Variants in KNDC1 observed in about 807,000 individuals in gnomAD.
KNDC1 encodes the protein kinase non-catalytic C-lobe domain-containing protein 1.
A neutral mutation model predicts 172.8 loss-of-function variants in KNDC1; 106 were observed. The observed-to-expected ratio is 0.61, with a 90% CI of 0.52 to 0.72. The LOEUF is 0.72. KNDC1 is among the 30% of genes least tolerant of loss of function. The probability of loss-of-function intolerance (pLI) is 0.00; values close to 1 mark genes in which losing one functional copy is unlikely to be tolerated. For synonymous variants in KNDC1, 1,083 were observed against 1,062.2 expected, an observed-to-expected ratio of 1.02 and a Z score of -0.38; for missense variants, 2,325 against 2,394.5, an observed-to-expected ratio of 0.97 and a Z score of 0.61.
In KNDC1 at chr10:133,180,955, C is replaced by T. The variant is rs1330676647; in HGVS notation, c.361-2389C>T. Among the ~76,000 whole-genome samples, 4 of 152,324 alleles carry T rather than the reference C, an allele frequency of 2.6e-5. No individual in the cohort carries two copies. The East Asian group carries it at 7.7e-4, about 29-fold the overall frequency. On this transcript the variant is annotated intron_variant, in intron 3 of 29. Coordinates refer to ENST00000304613, the MANE Select transcript of KNDC1 (RefSeq NM_152643.8). ...GGCTGCGGCTGGTGAGTAAACCGGACGGTCATTTATCAGGAGGGTTTGTCG... is the reference window on the plus strand; with the variant it reads ...GGCTGCGGCTGGTGAGTAAACCGGATGGTCATTTATCAGGAGGGTTTGTCG...
At position 133,207,147 on chromosome 10, in the gene KNDC1, C is replaced by T. The variant is rs545314975; in HGVS notation, c.3590C>T (p.Ala1197Val). 5.4e-5 allele frequency: 86 copies of T among 1,591,024 alleles called. No individual in the cohort carries two copies. In the East Asian group the frequency reaches 1.6e-3, roughly 30 times the overall value. The change falls in exon 20 of 30, where the codon GCG (alanine) becomes GTG (valine). Residue 1197 changes from alanine (A) to valine (V), a missense_variant. Transcript: ENST00000304613. Reference protein sequence around the residue: ...LVKKYLQVMYAERWGLEPCTL... With the variant: ...LVKKYLQVMYVERWGLEPCTL... ...GTCCCGCTCCGGCAGGTCATGTACG[C>T]GGAACGCTGGGGCCTGGAGCCCTGC...
At chr10:133,161,226 G>C (rs1591209512) in intron 1 of KNDC1, among the ~76,000 whole-genome samples, 1 of 152,164 alleles carries the variant, frequency 6.6e-6, no homozygotes, top group South Asian at 2.1e-4. Flanking sequence ...GGATGGAGTG[G>C]ACAAGCCAGG....
Position 133,222,144 on chromosome 10 carries a change from G to A in KNDC1, c.5018+2032G>A, listed in dbSNP as rs1423903901. Among the ~76,000 whole-genome samples the A allele has an allele frequency of 6.0e-5, 9 of 150,420 alleles. 1 individual carries two copies. The highest frequency in any genetic ancestry group is 2.0e-4 in the East Asian group (1 of 5,068). Reference sequence around the variant, plus strand: ...TAAAAATACAAAAAATTAGCCGGGCGCGGTGGCGGGCGCCTGTAGTCCCAG... The same window carrying A: ...TAAAAATACAAAAAATTAGCCGGGCACGGTGGCGGGCGCCTGTAGTCCCAG... On this transcript the variant is annotated intron_variant, in intron 29 of 29. Coordinates refer to ENST00000304613, the MANE Select transcript of KNDC1 (RefSeq NM_152643.8).
chr10:133,181,144 A>T (rs1853705516), intron 3 of KNDC1, among the ~76,000 whole-genome samples: 1 of 151,732 alleles, frequency 6.6e-6, no homozygotes, highest in South Asian at 2.1e-4. Context: ...CTGACGCCAC[A>T]TGGGGCACCC....
At chr10:133,170,928 CA>C (rs145389746) in intron 3 of KNDC1, among the ~76,000 whole-genome samples, 3,756 of 152,276 alleles carry the variant, frequency 0.025, 52 homozygotes, top group Middle Eastern at 0.034. Context: ...GTCTCGGCAT[CA>C]TTACAGGAAG....
chr10:133,162,349 TG>T (rs1853004997), intron 1 of KNDC1, among the ~76,000 whole-genome samples: 1 of 152,028 alleles, frequency 6.6e-6, no homozygotes, highest in South Asian at 2.1e-4. Flanking sequence ...GAGGGCACGG[TG>T]AGGTTGCATC....
chr10:133,183,459 C>A lies in KNDC1; in HGVS notation c.476C>A (p.Ala159Glu). The A allele has an allele frequency of 6.2e-7, 1 of 1,605,334 alleles. No homozygotes were observed. Among genetic ancestry groups the A allele is most frequent in the Admixed American group, 1.7e-5 (1 of 59,276 alleles). The change falls in exon 4 of 30, where the codon GCG becomes GAG. Residue 159 changes from alanine (A) to glutamate (E), a missense_variant. Physicochemically the swap from Ala to Glu is moderately radical, Grantham distance 107. Transcript: ENST00000304613. ...DLEALLSRMQ[A>E]EDPGDRPDLE... is the part of the protein sequence containing the mutation. Reference sequence around the variant, plus strand: ...GAGGCGCTGCTGAGCCGGATGCAGGCGGAGGACCCCGGGGACCGGCCGGAC... The same window carrying A: ...GAGGCGCTGCTGAGCCGGATGCAGGAGGAGGACCCCGGGGACCGGCCGGAC...
In KNDC1 at chr10:133,209,864, C is replaced by T. The variant is rs999201177; in HGVS notation, c.3795-747C>T. On this transcript the variant is annotated intron_variant, in intron 20 of 29. Transcript: ENST00000304613. The surrounding 1 kb of genome is among the most constrained non-coding windows in gnomAD (Gnocchi z 4.9). The stretch of plus-strand genomic sequence containing the variant: ...GTGGGAGGAGGCCTTGCCAGGCCTC[C>T]GCTTCCTGACCGTGGCCGTCGGGCT... Among the ~76,000 whole-genome samples, 18 of 152,156 alleles carry T rather than the reference C, an allele frequency of 1.2e-4. No homozygotes were observed. The East Asian group carries it at 1.4e-3, about 11-fold the overall frequency.
chr10:133,160,760 C>T (rs1012738502), intron 1 of KNDC1, among the ~76,000 whole-genome samples, 191 bp downstream of exon 1: 1 of 152,054 alleles, frequency 6.6e-6, no homozygotes, highest in Non-Finnish European at 1.5e-5. Context: ...CCCCCGAATG[C>T]GCACGGGACG....
chr10:133,189,286 G>C (rs934827588), intron 7 of KNDC1, among the ~76,000 whole-genome samples: 4 of 152,178 alleles, frequency 2.6e-5, no homozygotes, highest in Non-Finnish European at 4.4e-5. Flanking sequence ...ACTCGGGACG[G>C]GGCCTGTGAC....
Position 133,199,615 on chromosome 10 carries a change from T to G in KNDC1, c.2903+13T>G, listed in dbSNP as rs1854305744. The G allele has an allele frequency of 1.2e-6, 2 of 1,611,858 alleles. No homozygotes were observed. The highest frequency in any genetic ancestry group is 2.7e-5 in the African/African-American group (2 of 74,892). Reference sequence around the variant, plus strand: ...CACCCTCCCCAAGGTGGGTGCCCAGTTCGGCCCTGCATTCCCGCCCCTCCC... The same window carrying G: ...CACCCTCCCCAAGGTGGGTGCCCAGGTCGGCCCTGCATTCCCGCCCCTCCC... On this transcript the variant is annotated intron_variant, in intron 15 of 29. Transcript: ENST00000304613.
At position 133,214,201 on chromosome 10, in the gene KNDC1, C is replaced by T. The variant is rs1005464640; in HGVS notation, c.4677+79C>T. 1.9e-5 allele frequency: 28 copies of T among 1,506,266 alleles called. No homozygotes were observed. In the Admixed American group the frequency reaches 2.2e-4, roughly 12 times the overall value. 93.3% of individuals were successfully genotyped at this position (1,506,266 alleles called of 1,614,324 possible). Reference sequence around the variant, plus strand: ...GGGGTGGCAGCGCCTCCTATAAGGCCGTGGCCTGAACCCTCTCCCAATGCA... The same window carrying T: ...GGGGTGGCAGCGCCTCCTATAAGGCTGTGGCCTGAACCCTCTCCCAATGCA... On this transcript the variant is annotated intron_variant, in intron 26 of 29. Transcript: ENST00000304613.
At position 133,199,548 on chromosome 10, in the gene KNDC1, A is replaced by G. The variant is rs1854303800; in HGVS notation, c.2849A>G (p.Lys950Arg). ...EKFCDLYWDE[K>R]LLQNLFKVVN... ...TTCTGTGACCTGTACTGGGATGAGA[A>G]GTTGCTGCAGAACCTCTTTAAGGTG... The change falls in exon 15 of 30, where the codon AAG becomes AGG. Residue 950 changes from lysine (K) to arginine (R), a missense_variant. By Grantham distance (26) the Lys-to-Arg change is conservative. Coordinates refer to ENST00000304613, the MANE Select transcript of KNDC1 (RefSeq NM_152643.8). The G allele has an allele frequency of 6.2e-6, 10 of 1,613,868 alleles. No individual in the cohort carries two copies. Among genetic ancestry groups the G allele is most frequent in the Non-Finnish European group, 8.5e-6 (10 of 1,179,994 alleles).
intron 19 of KNDC1, 85 bp downstream of exon 19, chr10:133,207,038 G>A (rs772254577): frequency 2.0e-5 from 31 of 1,537,272 alleles, no homozygotes; most frequent in East Asian, 6.9e-5. Context: ...AAATCTGTCC[G>A]TGTGAAGTTA....
chr10:133,197,734 G>A lies in KNDC1; in HGVS notation c.1872G>A (p.Lys624=). ...ACGCCTTCTCAGTGGTTGAACTGAA[G>A]CCCAGTGTGGCACCAGCCCCAGAGC... ...LQNAFSVVEL[K]PSVAPAPEPS... is the part of the protein sequence containing the mutation. The change falls in exon 12 of 30, where the codon AAG becomes AAA. Residue 624 remains lysine (K), a synonymous_variant. Transcript: ENST00000304613. 2 of 1,612,998 alleles carry A rather than the reference G, an allele frequency of 1.2e-6. No individual in the cohort carries two copies. The highest frequency in any genetic ancestry group is 1.7e-6 in the Non-Finnish European group (2 of 1,179,896).
intron 26 of KNDC1, 119 bp from the exon 27 acceptor site, chr10:133,218,712 A>G: frequency 7.6e-7 from 1 of 1,322,496 alleles, no homozygotes; most frequent in Non-Finnish European, 1.0e-6. Context: ...TCCTTTCCAC[A>G]CACGTGATGC....
At position 133,198,959 on chromosome 10, in the gene KNDC1, G is replaced by T; in HGVS notation, c.2451G>T (p.Gly817=). ...ASGGLRPDAL[G]PTTAHHGPRH... ...GGGGCCTCAGGCCCGACGCCCTGGGGCCCACCACGGCCCACCACGGCCCAC... is the reference window on the plus strand; with the variant it reads ...GGGGCCTCAGGCCCGACGCCCTGGGTCCCACCACGGCCCACCACGGCCCAC... Residue 817 remains glycine, a synonymous_variant, in exon 14 of 30, where the codon GGG becomes GGT. Transcript: ENST00000304613. 1 of 1,514,114 alleles carries T rather than the reference G, an allele frequency of 6.6e-7. No homozygotes were observed. Among genetic ancestry groups the T allele is most frequent in the Non-Finnish European group, 8.8e-7 (1 of 1,132,876 alleles). 93.8% of individuals were successfully genotyped at this position (1,514,114 alleles called of 1,614,324 possible). A position where few individuals can be genotyped will look rare whatever the true frequency, so the allele number is the denominator to read the frequency against.
At chr10:133,201,110 G>A (rs1051863529) in intron 16 of KNDC1, among the ~76,000 whole-genome samples, 1 of 152,238 alleles carries the variant, frequency 6.6e-6, no homozygotes, top group Non-Finnish European at 1.5e-5. Flanking sequence ...AGCTCCCGCA[G>A]GGACAGAGCT....
intron 17 of KNDC1, among the ~76,000 whole-genome samples, chr10:133,203,539 G>C (rs907418668): frequency 1.3e-5 from 2 of 152,388 alleles, no homozygotes; most frequent in South Asian, 4.1e-4. Context: ...TGGAGCAGCC[G>C]GTGGGCATTT....
Sources: gnomAD v4.1 joint callset for allele counts (sites outside exome capture counted in the v4.1 genomes callset) on GRCh38, gnomAD v4.1.1 for gene constraint, Gnocchi (gnomAD v3.1) non-coding constraint, MANE v1.5 for transcripts, NCBI Gene and HGNC (gene_info 2026-07-23, HGNC 2026-07-21) for gene names.